The following TOP1 variants were observed in gnomAD, a reference collection of about 807,000 sequenced individuals.
TOP1 encodes DNA topoisomerase I.
TOP1 carries 10 observed loss-of-function variants against 111.1 expected under a neutral mutation model. The observed-to-expected ratio is 0.09, with a 90% CI of 0.06 to 0.15. TOP1 has a LOEUF of 0.15. Among genes scored for constraint, TOP1 ranks in the 10% least tolerant of loss-of-function variants. The pLI, the probability that TOP1 is intolerant of heterozygous loss-of-function variation, is 1.00. For missense variants in TOP1, 474 were observed against 926.7 expected (o/e 0.51, Z 6.34); for synonymous variants, 271 against 302.9 (o/e 0.89, Z 1.10).
In TOP1 at chr20:41,080,017, A is replaced by G. The variant is rs975516021; in HGVS notation, c.336-68A>G. ...TAGCTTCTTTTCAACGAAATGACATATTCCTTCTTTGTATTAATAGAATAC... is the reference window on the plus strand; with the variant it reads ...TAGCTTCTTTTCAACGAAATGACATGTTCCTTCTTTGTATTAATAGAATAC... On this transcript the variant is annotated intron_variant, in intron 5 of 20. Transcript: ENST00000361337. This position sits in a 1 kb window ranked among gnomAD's most constrained non-coding sequence, Gnocchi z 5.0. The G allele has an allele frequency of 3.2e-6, 3 of 927,776 alleles. No homozygotes were observed. Among genetic ancestry groups the G allele is most frequent in the Non-Finnish European group, 5.2e-6 (3 of 578,208 alleles). The allele number at this position is 927,776 out of a possible 1,614,324, so 57.5% of individuals were successfully genotyped here.
intron 9 of TOP1, among the ~76,000 whole-genome samples, chr20:41,093,116 C>A (rs543442953): frequency 2.3e-4 from 35 of 152,276 alleles, no homozygotes; most frequent in Admixed American, 1.4e-3. Flanking sequence ...GCAATCAAGT[C>A]TGATGAGCTG....
At chr20:41,059,292 A>G (rs1163499887) in intron 2 of TOP1, among the ~76,000 whole-genome samples, 2 of 151,924 alleles carry the variant, frequency 1.3e-5, no homozygotes, top group African/African-American at 4.8e-5. Flanking sequence ...CTATATAACA[A>G]ACCTGCACAT....
Position 41,121,861 on chromosome 20 carries a change from GCC to G in TOP1, c.2045+73_2045+74del. ...TGCAGCATCTGTCAGGGCCCCTGGG[GCC>G]CTGGCTTTTCGATGGTTTCTGAGAA... On this transcript the variant is annotated intron_variant, in intron 19 of 20. Transcript: ENST00000361337. The surrounding 1 kb of genome is among the most constrained non-coding windows in gnomAD (Gnocchi z 4.2). 2 of 1,558,976 alleles carry G rather than the reference GCC, an allele frequency of 1.3e-6. No individual in the cohort carries two copies. Among genetic ancestry groups the G allele is most frequent in the South Asian group, 2.3e-5 (2 of 87,512 alleles).
rs538007758 is a variant in TOP1 at position 41,109,451 on chromosome 20, A to G, written c.1309-3331A>G. Among the ~76,000 whole-genome samples, 8 of 152,182 alleles carry G rather than the reference A, an allele frequency of 5.3e-5. No homozygotes were observed. The highest frequency in any genetic ancestry group is 1.0e-4 in the Non-Finnish European group (7 of 68,034). On this transcript the variant is annotated intron_variant, in intron 13 of 20. Coordinates refer to ENST00000361337, the MANE Select transcript of TOP1 (RefSeq NM_003286.4). The surrounding 1 kb of genome is among the most constrained non-coding windows in gnomAD (Gnocchi z 4.1). ...CAGAAAAACACCAACAAGAGAAACA[A>G]TTGACTAAATGGACTTCATTAAAAT...
intron 14 of TOP1, 91 bp downstream of exon 14, chr20:41,113,016 A>G (rs2034267242): frequency 7.7e-6 from 10 of 1,307,090 alleles, no homozygotes; most frequent in Non-Finnish European, 1.1e-5. Context: ...CATACTGTAT[A>G]TCACAACTCA....
chr20:41,047,040 C>T (rs1031118648), intron 2 of TOP1, among the ~76,000 whole-genome samples: 2 of 152,162 alleles, frequency 1.3e-5, no homozygotes, highest in South Asian at 2.1e-4. Flanking sequence ...GTGTGTTAGA[C>T]GGGAGTTGTA....
intron 3 of TOP1, chr20:41,073,245 C>T: frequency 1.0e-6 from 1 of 985,062 alleles, no homozygotes; most frequent in Non-Finnish European, 1.2e-6. Flanking sequence ...GTGAAAATGG[C>T]TAACATTCTA....
intron 2 of TOP1, among the ~76,000 whole-genome samples, chr20:41,052,772 C>T (rs145748461): frequency 6.6e-6 from 1 of 152,174 alleles, no homozygotes; most frequent in African/African-American, 2.4e-5. Flanking sequence ...AGGTATATCA[C>T]TTGAGGTCAG....
chr20:41,068,536 G>A (rs1192370189), intron 3 of TOP1, among the ~76,000 whole-genome samples: 1 of 152,074 alleles, frequency 6.6e-6, no homozygotes, highest in Non-Finnish European at 1.5e-5. Flanking sequence ...GAATAGCTGG[G>A]ACAATAGGCA....
At chr20:41,065,689 C>G (rs2033598398) in intron 3 of TOP1, among the ~76,000 whole-genome samples, 1 of 151,968 alleles carries the variant, frequency 6.6e-6, no homozygotes, top group Non-Finnish European at 1.5e-5. Context: ...GTTCTATATT[C>G]CCTTAATATG....
At position 41,069,042 on chromosome 20, in the gene TOP1, T is replaced by C. The variant is rs1201772586; in HGVS notation, c.156-7129T>C. Among the ~76,000 whole-genome samples, 2 of 152,222 alleles carry C rather than the reference T, an allele frequency of 1.3e-5. No individual in the cohort carries two copies. Among genetic ancestry groups the C allele is most frequent in the African/African-American group, 4.8e-5 (2 of 41,456 alleles). On this transcript the variant is annotated intron_variant, in intron 3 of 20. Transcript: ENST00000361337. This position sits in a 1 kb window ranked among gnomAD's most constrained non-coding sequence, Gnocchi z 4.1. ...CTGTAAAATAGCAAGGGAAGTACTT[T>C]TCCAGCCATATTGGCAGTGCTATTC... is the stretch of plus-strand genomic sequence containing the variant.
At chr20:41,086,061 G>A (rs1052554891) in intron 8 of TOP1, among the ~76,000 whole-genome samples, 25 of 152,126 alleles carry the variant, frequency 1.6e-4, no homozygotes, top group African/African-American at 3.4e-4. Context: ...TCAGGAGTTC[G>A]AGACCAACCT....
chr20:41,065,770 G>T (rs534895171), intron 3 of TOP1, among the ~76,000 whole-genome samples: 8 of 151,966 alleles, frequency 5.3e-5, no homozygotes, highest in African/African-American at 1.9e-4. Flanking sequence ...ATATTCCATT[G>T]TATGCCTGTA....
chr20:41,055,773 T>C (rs1055988169), intron 2 of TOP1, among the ~76,000 whole-genome samples: 1 of 152,178 alleles, frequency 6.6e-6, no homozygotes, highest in African/African-American at 2.4e-5. Flanking sequence ...CCTTCTTAGT[T>C]CCTTTGCTGT....
chr20:41,124,030 G>A lies in TOP1; in HGVS notation c.*733G>A. 1.4e-5 allele frequency: 3 copies of A among 221,702 alleles called. No individual in the cohort carries two copies. The highest frequency in any genetic ancestry group is 2.7e-5 in the Non-Finnish European group (3 of 113,202). 13.7% of individuals were successfully genotyped at this position (221,702 alleles called of 1,614,324 possible). On this transcript the variant is annotated 3_prime_UTR_variant, in exon 21 of 21. Coordinates refer to ENST00000361337, the MANE Select transcript of TOP1 (RefSeq NM_003286.4). The surrounding 1 kb of genome is among the most constrained non-coding windows in gnomAD (Gnocchi z 5.4). ...TAGATTGGGGTTGGGGAGGGATGAA[G>A]GGCGAGTGAATCTAAGGATAATGAA...
rs551442631 is a variant in TOP1 at position 41,035,047 on chromosome 20, G to A, written c.58+5592G>A. Among the ~76,000 whole-genome samples, 10 of 152,080 alleles carry A rather than the reference G, an allele frequency of 6.6e-5. No homozygotes were observed. In the East Asian group the frequency reaches 1.4e-3, roughly 21 times the overall value. On this transcript the variant is annotated intron_variant, in intron 2 of 20. Coordinates refer to ENST00000361337, the MANE Select transcript of TOP1 (RefSeq NM_003286.4). Reference sequence around the variant, plus strand: ...TGGAACTACAGGTGCATGTCACCACGCCGGGCTAATTTTTGCATTTTTTGT... The same window carrying A: ...TGGAACTACAGGTGCATGTCACCACACCGGGCTAATTTTTGCATTTTTTGT...
intron 2 of TOP1, among the ~76,000 whole-genome samples, chr20:41,057,573 A>T (rs781262496): frequency 4.6e-5 from 7 of 152,190 alleles, no homozygotes; most frequent in Non-Finnish European, 1.0e-4. Flanking sequence ...TTACTATAAA[A>T]GTAATTGTGG....
At position 41,081,202 on chromosome 20, in the gene TOP1, A is replaced by G. The variant is rs2033784501; in HGVS notation, c.469A>G (p.Thr157Ala). 6 of 1,601,306 alleles carry G rather than the reference A, an allele frequency of 3.7e-6. No homozygotes were observed. The East Asian group carries it at 1.1e-4, about 30-fold the overall frequency. Reference protein sequence around the residue: ...YKPKKIKTEDTKKEKKRKLEE... With the variant: ...YKPKKIKTEDAKKEKKRKLEE... ...ACCTAAGAAAATTAAAACAGAAGAT[A>G]CCAAGAAGGAGAAGAAAAGAAAACT... The change falls in exon 7 of 21, where the codon ACC becomes GCC. Residue 157 changes from threonine to alanine, a missense_variant. Coordinates refer to ENST00000361337, the MANE Select transcript of TOP1 (RefSeq NM_003286.4).
Position 41,067,486 on chromosome 20 carries a change from T to C in TOP1, c.155+5996T>C, listed in dbSNP as rs2033622610. The stretch of plus-strand genomic sequence containing the variant: ...TCTGATCTTTTTAAATAGTTTAGGG[T>C]TTCTTCGATTTCTTCTGTAGCAGAT... On this transcript the variant is annotated intron_variant, in intron 3 of 20. Transcript: ENST00000361337. The surrounding 1 kb of genome is among the most constrained non-coding windows in gnomAD (Gnocchi z 4.0). 6.6e-6 allele frequency among the ~76,000 whole-genome samples: 1 copy of C among 152,190 alleles called. No individual in the cohort carries two copies. Among genetic ancestry groups the C allele is most frequent in the Non-Finnish European group, 1.5e-5 (1 of 68,036 alleles).
Sources: gnomAD v4.1 joint callset for allele counts (sites outside exome capture counted in the v4.1 genomes callset) on GRCh38, gnomAD v4.1.1 for gene constraint, Gnocchi (gnomAD v3.1) non-coding constraint, MANE v1.5 for transcripts, NCBI Gene and HGNC (gene_info 2026-07-23, HGNC 2026-07-21) for gene names.